ODAPH: variants seen among roughly 807,000 people sequenced by gnomAD.
ODAPH encodes the protein amelogenesis imperfecta type IIA4.
A neutral mutation model predicts 2.8 loss-of-function variants in ODAPH; 2 were observed. The observed-to-expected ratio is 0.72, with a 90% CI of 0.30 to 2.28. ODAPH has a LOEUF of 2.28. Among genes scored for constraint, ODAPH ranks in the 30% most tolerant of loss-of-function variants. ODAPH has a pLI of 0.13. For missense variants in ODAPH, 159 were observed against 163.3 expected, an observed-to-expected ratio of 0.97 and a Z score of 0.14; for synonymous variants, 75 against 60.3, an observed-to-expected ratio of 1.24 and a Z score of -1.13.
At chr4:75,565,779 G>A (rs752997226), downstream of ODAPH, 3 of 151,976 alleles carry the variant, frequency 2.0e-5, no homozygotes, top group Admixed American at 6.6e-5. Flanking sequence ...AAATCAGGAT[G>A]AAGACATGAA....
intron 1 of ODAPH, among the ~76,000 whole-genome samples, chr4:75,560,347 A>G (rs952161628): frequency 1.3e-5 from 2 of 152,238 alleles, no homozygotes; most frequent in African/African-American, 4.8e-5. Context: ...AAATTTGAGA[A>G]GATAGCAAAG....
At chr4:75,563,998 T>C (rs1727703394) in intron 1 of ODAPH, 116 bp from the exon 2 acceptor site, 5 of 899,148 alleles carry the variant, frequency 5.6e-6, no homozygotes, top group Non-Finnish European at 8.7e-6. Flanking sequence ...CTTTCAAATA[T>C]ACATTGAGAT....
chr4:75,561,398 A>G (rs575198223), intron 1 of ODAPH, among the ~76,000 whole-genome samples: 11 of 152,148 alleles, frequency 7.2e-5, no homozygotes, highest in African/African-American at 2.7e-4. Flanking sequence ...TAGAATTTCA[A>G]TGTACCCTGA....
intron 1 of ODAPH, chr4:75,556,426 G>A (rs927555491): frequency 3.5e-5 from 29 of 829,296 alleles, no homozygotes; most frequent in Non-Finnish European, 4.9e-5. Context: ...CCATCGTTAT[G>A]GGGTTTGCAA....
rs946796697 is a variant in ODAPH, at chr4:75,564,311, C to T, written c.265C>T (p.Pro89Ser). Reference protein sequence around the residue: ...PRIHFRFPNRPFVPSRCNHRF... With the variant: ...PRIHFRFPNRSFVPSRCNHRF... ...AATCCATTTTAGGTTTCCAAACAGA[C>T]CTTTCGTCCCTTCAAGGTGTAACCA... The change falls in exon 2 of 2, where the codon CCT (proline) becomes TCT (serine). Residue 89 changes from proline to serine, a missense_variant. Coordinates refer to ENST00000311623, the MANE Select transcript of ODAPH (RefSeq NM_178497.5). 2 of 1,614,196 alleles carry T rather than the reference C, an allele frequency of 1.2e-6. No homozygotes were observed. The highest frequency in any genetic ancestry group is 1.7e-6 in the Non-Finnish European group (2 of 1,180,036).
At chr4:75,563,215 AC>A (rs1406634722) in intron 1 of ODAPH, 1 of 151,914 alleles carries the variant, frequency 6.6e-6, no homozygotes, top group Non-Finnish European at 1.5e-5. Context: ...TTTAGTAGAG[AC>A]GGGGTTTCAC....
At position 75,563,971 on chromosome 4, in the gene ODAPH, A is replaced by G. The variant is rs1037431989; in HGVS notation, c.68-143A>G. 4 of 712,078 alleles carry G rather than the reference A, an allele frequency of 5.6e-6. No homozygotes were observed. The East Asian group carries it at 8.0e-5, about 14-fold the overall frequency. 44.1% of individuals were successfully genotyped at this position (712,078 alleles called of 1,614,324 possible). On this transcript the variant is annotated intron_variant, in intron 1 of 1. Coordinates refer to ENST00000311623, the MANE Select transcript of ODAPH (RefSeq NM_178497.5). Reference sequence around the variant, plus strand: ...ATCCAGTGTGTCTGTGTCTCATTTCATTGAACGTTGGCAGTTCTTTCAAAT... The same window carrying G: ...ATCCAGTGTGTCTGTGTCTCATTTCGTTGAACGTTGGCAGTTCTTTCAAAT...
intron 1 of ODAPH, among the ~76,000 whole-genome samples, chr4:75,557,091 CT>C (rs1171617685): frequency 2.0e-5 from 3 of 152,058 alleles, no homozygotes; most frequent in Admixed American, 6.5e-5. Context: ...CAGAAACCCC[CT>C]GATCCAACCT....
chr4:75,564,347 T>C lies in ODAPH; in HGVS notation c.301T>C (p.Phe101Leu), dbSNP rs1727726944. The part of the protein sequence containing the change: ...VPSRCNHRFP[F>L]QPFYWPHRYL... ...TTCAAGGTGTAACCACCGTTTTCCATTCCAGCCATTTTATTGGCCACACCG... is the reference window on the plus strand; with the variant it reads ...TTCAAGGTGTAACCACCGTTTTCCACTCCAGCCATTTTATTGGCCACACCG... The change falls in exon 2 of 2, where the codon TTC becomes CTC. Residue 101 changes from phenylalanine to leucine, a missense_variant. By Grantham distance (22) the Phe-to-Leu change is conservative. Transcript: ENST00000311623. 4 of 1,614,068 alleles carry C rather than the reference T, an allele frequency of 2.5e-6. No individual in the cohort carries two copies. The highest frequency in any genetic ancestry group is 3.4e-6 in the Non-Finnish European group (4 of 1,180,050).
At chr4:75,563,676 T>C (rs182640617) in intron 1 of ODAPH, among the ~76,000 whole-genome samples, 4 of 152,356 alleles carry the variant, frequency 2.6e-5, no homozygotes, top group Admixed American at 2.0e-4. Context: ...GTACAGTATG[T>C]ACATTTCTGT....
At chr4:75,556,328 G>A (rs572802420) in intron 1 of ODAPH, among the ~76,000 whole-genome samples, 179 bp downstream of exon 1, 22 of 152,288 alleles carry the variant, frequency 1.4e-4, no homozygotes, top group African/African-American at 4.1e-4. Context: ...CTTGGTCCTC[G>A]TCTCAGCAAT....
At chr4:75,561,675 C>T (rs1319879468) in intron 1 of ODAPH, among the ~76,000 whole-genome samples, 1 of 152,044 alleles carries the variant, frequency 6.6e-6, no homozygotes, top group Non-Finnish European at 1.5e-5. Flanking sequence ...GGGGAAACCC[C>T]ATCTCTACTA....
At chr4:75,565,109 G>C (rs992823977), downstream of ODAPH, 1 of 154,408 alleles carries the variant, frequency 6.5e-6, no homozygotes, top group Non-Finnish European at 1.4e-5. Context: ...CAATTCTCTT[G>C]CCTCAGCCTC....
intron 1 of ODAPH, among the ~76,000 whole-genome samples, chr4:75,563,875 G>A (rs1204259318): frequency 2.7e-5 from 4 of 150,480 alleles, no homozygotes; most frequent in Admixed American, 6.6e-5. Context: ...TGAACACCCC[G>A]AACAAGTCTT....
downstream of ODAPH, chr4:75,565,237 A>T (rs1287860209): frequency 6.6e-6 from 1 of 152,190 alleles, no homozygotes; most frequent in Middle Eastern, 3.2e-3. Context: ...ACCTCAGGTG[A>T]TCCACCCACC....
chr4:75,559,084 C>T (rs1207311451), intron 1 of ODAPH, among the ~76,000 whole-genome samples: 2 of 152,196 alleles, frequency 1.3e-5, no homozygotes, highest in East Asian at 3.8e-4. Flanking sequence ...GAGGAACATT[C>T]AAGGTCGGCC....
intron 1 of ODAPH, among the ~76,000 whole-genome samples, chr4:75,559,555 A>G (rs1467678828): frequency 1.3e-5 from 2 of 152,170 alleles, no homozygotes; most frequent in African/African-American, 4.8e-5. Flanking sequence ...ATCCTTTTAA[A>G]CACTTTGCTA....
chr4:75,563,971 A>T lies in ODAPH; in HGVS notation c.68-143A>T. On this transcript the variant is annotated intron_variant, in intron 1 of 1. Coordinates refer to ENST00000311623, the MANE Select transcript of ODAPH (RefSeq NM_178497.5). ...ATCCAGTGTGTCTGTGTCTCATTTCATTGAACGTTGGCAGTTCTTTCAAAT... is the reference window on the plus strand; with the variant it reads ...ATCCAGTGTGTCTGTGTCTCATTTCTTTGAACGTTGGCAGTTCTTTCAAAT... 3 of 712,196 alleles carry T rather than the reference A, an allele frequency of 4.2e-6. No individual in the cohort carries two copies. The East Asian group carries it at 8.0e-5, about 19-fold the overall frequency. 44.1% of individuals were successfully genotyped at this position (712,196 alleles called of 1,614,324 possible). A position where few individuals can be genotyped will look rare whatever the true frequency, so the allele number is the denominator to read the frequency against.
chr4:75,559,587 T>A (rs1361660484), intron 1 of ODAPH, among the ~76,000 whole-genome samples: 1 of 152,256 alleles, frequency 6.6e-6, no homozygotes, highest in African/African-American at 2.4e-5. Flanking sequence ...AAAATGTTTT[T>A]AATCTACATT....
Sources: allele counts gnomAD v4.1 joint callset (sites outside exome capture counted in the v4.1 genomes callset), GRCh38; gene constraint gnomAD v4.1.1; transcripts MANE v1.5; gene names NCBI Gene and HGNC (gene_info 2026-07-23, HGNC 2026-07-21).